The following APTX variants were observed in gnomAD, a reference collection of about 807,000 sequenced individuals.
APTX encodes forkhead-associated domain histidine triad-like protein.
APTX carries 33 observed loss-of-function variants against 42.3 expected under a neutral mutation model. The ratio of observed to expected loss-of-function variants is 0.78; its 90% CI spans 0.59 to 1.04. APTX has a LOEUF of 1.04. APTX is among the 50% of genes least tolerant of loss of function. The probability of loss-of-function intolerance (pLI) is 0.00; values close to 1 mark genes in which losing one functional copy is unlikely to be tolerated. For missense variants in APTX, 421 were observed against 415.1 expected, an observed-to-expected ratio of 1.01 and a Z score of -0.12; for synonymous variants, 130 against 146.7, an observed-to-expected ratio of 0.89 and a Z score of 0.82.
chr9:33,001,545 G>C lies in APTX; in HGVS notation c.-5+22C>G, dbSNP rs201567728. The stretch of plus-strand genomic sequence containing the variant: ...GGCATTGAGCCCAGCCAGCAGAAGA[G>C]ATAGGCTGACGACCGCCTTACCTCC... On this transcript the variant is annotated intron_variant, in intron 1 of 7. Coordinates refer to ENST00000379817, the MANE Select transcript of APTX (RefSeq NM_001195248.2). 2.3e-5 allele frequency: 37 copies of C among 1,613,688 alleles called. No homozygotes were observed. In the East Asian group the frequency reaches 6.7e-4, roughly 29 times the overall value.
chr9:33,016,225 C>T (rs1296977404), intron 1 of APTX: 1 of 152,170 alleles, frequency 6.6e-6, no homozygotes, highest in Non-Finnish European at 1.5e-5. Context: ...GGTGTGATTG[C>T]CTGTGTGAGA....
At chr9:32,990,016 TCAC>T in intron 1 of APTX, 121 bp from the exon 2 acceptor site, 2 of 1,231,096 alleles carry the variant, frequency 1.6e-6, no homozygotes, top group Non-Finnish European at 2.3e-6. Flanking sequence ...GCAAGTGACT[TCAC>T]CACCCTAGTC....
intron 1 of APTX, among the ~76,000 whole-genome samples, chr9:33,023,051 A>T (rs1587686215): frequency 6.6e-6 from 1 of 152,046 alleles, no homozygotes; most frequent in Non-Finnish European, 1.5e-5. Flanking sequence ...CTGGTCTCAA[A>T]CTCCGGGACT....
intron 6 of APTX, among the ~76,000 whole-genome samples, chr9:32,980,766 T>C (rs951528698): frequency 6.6e-6 from 1 of 152,324 alleles, no homozygotes; most frequent in South Asian, 2.1e-4. Context: ...ATTAATGGGC[T>C]GCATGTTGCT....
chr9:33,005,294 T>C (rs1837054134), upstream of APTX, among the ~76,000 whole-genome samples: 1 of 152,180 alleles, frequency 6.6e-6, no homozygotes. Context: ...GCTGCCTGTC[T>C]TTTGGTGTTA....
intron 6 of APTX, among the ~76,000 whole-genome samples, chr9:32,976,659 G>GA (rs1013249540): frequency 2.0e-5 from 3 of 152,164 alleles, no homozygotes; most frequent in Admixed American, 1.3e-4. Flanking sequence ...TCCTATGAGG[G>GA]AAAAAAATCA....
chr9:33,011,194 T>C (rs1837516636), intron 1 of APTX, among the ~76,000 whole-genome samples: 1 of 151,878 alleles, frequency 6.6e-6, no homozygotes, highest in South Asian at 2.1e-4. Flanking sequence ...GTGGGAGGCC[T>C]CTCTTGAGCA....
chr9:33,001,735 C>G (rs1471145023), upstream of APTX: 17 of 1,272,296 alleles, frequency 1.3e-5, no homozygotes, highest in East Asian at 4.3e-4. Flanking sequence ...CAAAAAGCGT[C>G]CGCCCCAATT....
intron 4 of APTX, among the ~76,000 whole-genome samples, chr9:32,986,628 A>G (rs1386492377): frequency 6.7e-6 from 1 of 149,932 alleles, no homozygotes; most frequent in Non-Finnish European, 1.5e-5. Flanking sequence ...CAGCCTCTGG[A>G]GTTGCTGGGA....
chr9:32,993,303 T>A lies in APTX; in HGVS notation c.-4-3408A>T, dbSNP rs566690054. On this transcript the variant is annotated intron_variant, in intron 1 of 7. Coordinates refer to ENST00000379817, the MANE Select transcript of APTX (RefSeq NM_001195248.2). ...TATGTAACCAACCTTAAATAGTAACTTCACCCGTTTCAGCCTCCAATTCCA... is the reference window on the plus strand; with the variant it reads ...TATGTAACCAACCTTAAATAGTAACATCACCCGTTTCAGCCTCCAATTCCA... Among the ~76,000 whole-genome samples, 38 of 152,328 alleles carry A rather than the reference T, an allele frequency of 2.5e-4. 1 individual carries two copies. In the South Asian group the frequency reaches 7.9e-3, roughly 32 times the overall value.
At chr9:33,008,312 AT>A (rs34959034) in intron 1 of APTX, among the ~76,000 whole-genome samples, 21 of 151,498 alleles carry the variant, frequency 1.4e-4, no homozygotes, top group East Asian at 3.9e-4. Flanking sequence ...ATATTTTTAG[AT>A]TTTTTTTGAT....
At chr9:33,013,169 G>A (rs10971311) in intron 1 of APTX, among the ~76,000 whole-genome samples, 10,739 of 152,220 alleles carry the variant, frequency 0.071, 515 homozygotes, top group Non-Finnish European at 0.11. Context: ...ACATTTACTA[G>A]TGTTTATTTA....
chr9:32,974,629 G>C (rs758561777), intron 6 of APTX, 68 bp from the exon 7 acceptor site: 141 of 853,388 alleles, frequency 1.7e-4, no homozygotes, highest in Non-Finnish European at 2.4e-4. Flanking sequence ...AAATGACAAA[G>C]AGTATGAGTA....
intron 1 of APTX, chr9:33,001,277 G>A (rs1836375956): frequency 6.9e-7 from 1 of 1,451,072 alleles, no homozygotes; most frequent in Admixed American, 2.1e-5. Context: ...CTCCTTGGTT[G>A]GACAGGGCCC....
chr9:33,024,851 C>A (rs996899046), intron 1 of APTX: 1 of 60,812 alleles, frequency 1.6e-5, no homozygotes, highest in Admixed American at 2.3e-4. Context: ...AGAGAAGAGG[C>A]GCCCGTAAGA....
chr9:32,995,757 G>A (rs569889400), intron 1 of APTX, among the ~76,000 whole-genome samples: 43 of 152,072 alleles, frequency 2.8e-4, no homozygotes, highest in Admixed American at 1.0e-3. Flanking sequence ...GCGTGGTGGC[G>A]GGCACCTGTA....
Position 32,973,611 on chromosome 9 carries a change from G to A in APTX, c.916C>T (p.Arg306Ter), listed in dbSNP as rs746541090. The change falls in exon 8 of 8, where the codon CGA becomes TGA. Residue 306 changes from arginine to a stop codon, truncating the protein, a stop_gained. Coordinates refer to ENST00000379817, the MANE Select transcript of APTX (RefSeq NM_001195248.2). LOFTEE classifies it high-confidence loss of function. ...MVQEAGRVTVRDGMPELLKLP... is the reference protein window; with the variant it reads ...MVQEAGRVTV ...TTCAAGAGCTCAGGCATCCCATCTC[G>A]GACAGTTACTCTACCAGCCTCTTGT... 1.2e-5 allele frequency: 19 copies of A among 1,613,372 alleles called. No homozygotes were observed. The highest frequency in any genetic ancestry group is 5.4e-5 in the African/African-American group (4 of 74,646).
chr9:32,973,627 A>T lies in APTX; in HGVS notation c.900T>A (p.Ala300=), dbSNP rs376003639. 3.7e-6 allele frequency: 6 copies of T among 1,613,420 alleles called. No individual in the cohort carries two copies. In the African/African-American group the frequency reaches 8.0e-5, roughly 22 times the overall value. ...SQAVIEMVQE[A]GRVTVRDGMP... Reference sequence around the variant, plus strand: ...TCCCATCTCGGACAGTTACTCTACCAGCCTCTTGTACCATCTCGATCACAG... The same window carrying T: ...TCCCATCTCGGACAGTTACTCTACCTGCCTCTTGTACCATCTCGATCACAG... The change falls in exon 8 of 8, where the codon GCT becomes GCA. Residue 300 remains alanine, a synonymous_variant. Coordinates refer to ENST00000379817, the MANE Select transcript of APTX (RefSeq NM_001195248.2).
Position 32,987,828 on chromosome 9 carries a change from T to A in APTX, c.199A>T (p.Ser67Cys). Residue 67 changes from serine to cysteine, a missense_variant, in exon 4 of 8, where the codon AGC becomes TGC. Transcript: ENST00000379817. ...KVKQVGVNPT[S>C]IDSVVIGKDQ... is the part of the protein sequence containing the mutation. ...TTCCCAATTACGACTGAGTCAATGC[T>A]GGTGGGATTGACTCCTACCTATGGA... is the stretch of plus-strand genomic sequence containing the variant. 6.2e-7 allele frequency: 1 copy of A among 1,613,558 alleles called. No homozygotes were observed. Among genetic ancestry groups the A allele is most frequent in the Non-Finnish European group, 8.5e-7 (1 of 1,180,012 alleles).
Sources: allele counts gnomAD v4.1 joint callset (sites outside exome capture counted in the v4.1 genomes callset), GRCh38; gene constraint gnomAD v4.1.1; transcripts MANE v1.5; gene names NCBI Gene and HGNC (gene_info 2026-07-23, HGNC 2026-07-21).